The following CTNND2 variants were observed in gnomAD, a reference collection of about 807,000 sequenced individuals.
CTNND2 encodes the protein catenin delta-2.
A neutral mutation model predicts 144.4 loss-of-function variants in CTNND2; 22 were observed. The observed-to-expected ratio is 0.15, with a 90% confidence interval of 0.11 to 0.22. The LOEUF (loss-of-function observed/expected upper bound fraction) is 0.22, where lower values mean the gene tolerates loss of function less well. CTNND2 is among the 10% of genes least tolerant of loss of function. CTNND2 has a pLI of 1.00. For synonymous variants in CTNND2, 751 were observed against 695.6 expected, an observed-to-expected ratio of 1.08 and a Z score of -1.25; for missense variants, 1,353 against 1,618.8, an observed-to-expected ratio of 0.84 and a Z score of 2.82.
chr5:10,997,650 A>G (rs1739500045), intron 18 of CTNND2, among the ~76,000 whole-genome samples: 1 of 152,160 alleles, frequency 6.6e-6, no homozygotes, highest in African/African-American at 2.4e-5. Flanking sequence ...TGTAGAGGGC[A>G]GAAGTCCTAA....
chr5:11,623,528 A>G, intron 2 of CTNND2, among the ~76,000 whole-genome samples: 1 of 151,832 alleles, frequency 6.6e-6, no homozygotes, highest in Admixed American at 6.6e-5. Context: ...CTTTTTCTTT[A>G]TAAATTACCC....
chr5:11,692,594 G>A (rs1403426256), intron 2 of CTNND2, among the ~76,000 whole-genome samples: 2 of 152,052 alleles, frequency 1.3e-5, no homozygotes, highest in Admixed American at 6.6e-5. Context: ...TGGAAAACTA[G>A]GTCAACATTT....
chr5:11,625,391 C>A (rs1187712823), intron 2 of CTNND2, among the ~76,000 whole-genome samples: 1 of 122,752 alleles, frequency 8.1e-6, no homozygotes, highest in Admixed American at 7.5e-5. Flanking sequence ...ACAGAAAAAT[C>A]TCTCTCTCTC....
At chr5:11,409,103 T>C (rs530511811) in intron 5 of CTNND2, among the ~76,000 whole-genome samples, 56 of 152,216 alleles carry the variant, frequency 3.7e-4, no homozygotes, top group Admixed American at 7.8e-4. Flanking sequence ...CCCATACTTC[T>C]GTTTTTACTA....
intron 9 of CTNND2, among the ~76,000 whole-genome samples, chr5:11,313,000 T>A (rs189259836): frequency 3.9e-5 from 6 of 152,146 alleles, no homozygotes; most frequent in African/African-American, 1.4e-4. Context: ...CCTGAGCACA[T>A]CCATTGGAGC....
At chr5:11,373,753 A>C (rs562328694) in intron 7 of CTNND2, among the ~76,000 whole-genome samples, 6 of 152,336 alleles carry the variant, frequency 3.9e-5, no homozygotes, top group Admixed American at 2.0e-4. Context: ...TTTGGTCCTC[A>C]GCAGACTCTT....
At chr5:11,413,422 T>C (rs1314637673) in intron 3 of CTNND2, among the ~76,000 whole-genome samples, 1 of 152,204 alleles carries the variant, frequency 6.6e-6, no homozygotes, top group Non-Finnish European at 1.5e-5. Context: ...ATAGTTATCC[T>C]GGCTATTTTA....
chr5:11,144,366 C>T (rs969767922), intron 12 of CTNND2, among the ~76,000 whole-genome samples: 4 of 152,164 alleles, frequency 2.6e-5, no homozygotes, highest in Admixed American at 1.3e-4. Flanking sequence ...AGGGAGGCAA[C>T]GGAGGGTCGG....
intron 16 of CTNND2, among the ~76,000 whole-genome samples, chr5:11,038,671 T>G (rs770176866): frequency 6.6e-6 from 1 of 152,132 alleles, no homozygotes; most frequent in Non-Finnish European, 1.5e-5. Flanking sequence ...ATCTGAAAGT[T>G]CTGGATTACT....
intron 3 of CTNND2, among the ~76,000 whole-genome samples, chr5:11,460,855 T>TA (rs1294047438): frequency 4.6e-5 from 7 of 152,010 alleles, no homozygotes; most frequent in Non-Finnish European, 7.4e-5. Context: ...ATCAAGACCA[T>TA]ACTGACCAAC....
At chr5:11,205,142 A>G (rs1737908247) in intron 10 of CTNND2, among the ~76,000 whole-genome samples, 1 of 152,206 alleles carries the variant, frequency 6.6e-6, no homozygotes, top group African/African-American at 2.4e-5. Context: ...GACTCAAAGT[A>G]AATTTTAATA....
chr5:11,355,163 C>T (rs1755731234), intron 8 of CTNND2, among the ~76,000 whole-genome samples: 1 of 151,852 alleles, frequency 6.6e-6, no homozygotes, highest in Non-Finnish European at 1.5e-5. Context: ...TAATAAACAA[C>T]CTAAAGGTGT....
intron 14 of CTNND2, among the ~76,000 whole-genome samples, chr5:11,101,885 A>ATGTGTGTGTGTG (rs1491537465): frequency 6.4e-4 from 57 of 89,678 alleles, no homozygotes; most frequent in African/African-American, 2.0e-3. Flanking sequence ...TGACGACCAC[A>ATGTGTGTGTGTG]TATGTGTGTG....
chr5:11,021,961 T>C (rs1209049641), intron 17 of CTNND2, among the ~76,000 whole-genome samples: 2 of 152,152 alleles, frequency 1.3e-5, no homozygotes, highest in African/African-American at 4.8e-5. Context: ...TCTGTAAAAT[T>C]GACACCTTGC....
At chr5:11,273,110 G>C (rs1174480688) in intron 9 of CTNND2, among the ~76,000 whole-genome samples, 1 of 152,086 alleles carries the variant, frequency 6.6e-6, no homozygotes, top group Non-Finnish European at 1.5e-5. Flanking sequence ...TTGTGAAAAT[G>C]TGTTTTCTCT....
At chr5:11,887,684 T>C (rs922286909) in intron 1 of CTNND2, among the ~76,000 whole-genome samples, 13 of 152,222 alleles carry the variant, frequency 8.5e-5, no homozygotes, top group African/African-American at 2.9e-4. Flanking sequence ...TTCAGATTTA[T>C]GTAATTTTCC....
intron 1 of CTNND2, among the ~76,000 whole-genome samples, chr5:11,846,337 A>T (rs1226592747): frequency 5.3e-5 from 8 of 152,138 alleles, no homozygotes; most frequent in Admixed American, 5.2e-4. Flanking sequence ...TACTGTACAG[A>T]TGGCAAAGGT....
chr5:11,596,423 T>C (rs1371175960), intron 2 of CTNND2, among the ~76,000 whole-genome samples: 1 of 152,174 alleles, frequency 6.6e-6, no homozygotes, highest in African/African-American at 2.4e-5. Context: ...CTGAGGCACC[T>C]AAGGAATACC....
At chr5:11,352,897 GAATT>G (rs1755469883) in intron 8 of CTNND2, among the ~76,000 whole-genome samples, 1 of 151,994 alleles carries the variant, frequency 6.6e-6, no homozygotes, top group East Asian at 1.9e-4. Flanking sequence ...GTAAATAAGC[GAATT>G]AATAAAAAAG....
Sources: allele counts gnomAD v4.1 joint callset (sites outside exome capture counted in the v4.1 genomes callset), GRCh38; gene constraint gnomAD v4.1.1; transcripts MANE v1.5; gene names NCBI Gene and HGNC (gene_info 2026-07-23, HGNC 2026-07-21).